The following MRE11 variants were observed in gnomAD, a reference collection of about 807,000 sequenced individuals.
MRE11 encodes the protein MRE11 double strand break repair nuclease.
Under a neutral mutation model 91.7 loss-of-function variants are expected in MRE11, and 62 were observed. The ratio of observed to expected loss-of-function variants is 0.68; its 90% confidence interval spans 0.55 to 0.84. The LOEUF is 0.84. Among genes scored for constraint, MRE11 ranks in the 40% least tolerant of loss-of-function variants. The probability of loss-of-function intolerance (pLI) is 0.00; values close to 1 mark genes in which losing one functional copy is unlikely to be tolerated. For missense variants in MRE11, 796 were observed against 852.9 expected (o/e 0.93, Z 0.83); for synonymous variants, 273 against 271.4 (o/e 1.01, Z -0.06).
At chr11:94,500,026 T>C in the MRE11 span, among the ~76,000 whole-genome samples, 1 of 152,288 alleles carries the variant, frequency 6.6e-6, no homozygotes, top group African/African-American at 2.4e-5. Flanking sequence ...GATCTCTTCC[T>C]AGGGAGATGC....
At chr11:94,497,909 C>T, upstream of MRE11, 1 of 600,596 alleles carries the variant, frequency 1.7e-6, no homozygotes, top group South Asian at 2.3e-5. Flanking sequence ...CAGTAGTCCT[C>T]TCCTCCCCAA....
chr11:94,485,772 A>C, intron 4 of MRE11, 152 bp downstream of exon 4: 1 of 738,394 alleles, frequency 1.4e-6, no homozygotes, highest in Non-Finnish European at 2.2e-6. Flanking sequence ...GGAAAATATA[A>C]ATTAATACAA....
chr11:94,422,647 G>A (rs575353161), intron 19 of MRE11, among the ~76,000 whole-genome samples: 1 of 152,170 alleles, frequency 6.6e-6, no homozygotes, highest in South Asian at 2.1e-4. Context: ...TACACTGATG[G>A]GCACTCAACA....
At chr11:94,457,871 T>C (rs1329476748) in intron 13 of MRE11, among the ~76,000 whole-genome samples, 2 of 97,472 alleles carry the variant, frequency 2.1e-5, no homozygotes, top group African/African-American at 8.3e-5. Context: ...TTTCTCTCTC[T>C]CCCTCTCTCT....
chr11:94,425,609 A>G (rs1267358406), intron 19 of MRE11, among the ~76,000 whole-genome samples: 1 of 152,210 alleles, frequency 6.6e-6, no homozygotes, highest in Non-Finnish European at 1.5e-5. Context: ...CCCATTTCAC[A>G]TGTAATGACA....
At chr11:94,458,445 T>C (rs1946321058) in intron 13 of MRE11, among the ~76,000 whole-genome samples, 1 of 152,150 alleles carries the variant, frequency 6.6e-6, no homozygotes, top group Non-Finnish European at 1.5e-5. Flanking sequence ...TCTTCCAAAA[T>C]GTCATTTTTA....
chr11:94,454,300 C>T (rs1946193291), intron 14 of MRE11, among the ~76,000 whole-genome samples: 1 of 152,034 alleles, frequency 6.6e-6, no homozygotes, highest in Admixed American at 6.6e-5. Context: ...TCTCAAACTC[C>T]TGAGCTCAAG....
chr11:94,465,452 G>C (rs1426018875), intron 10 of MRE11, among the ~76,000 whole-genome samples: 1 of 144,764 alleles, frequency 6.9e-6, no homozygotes, highest in East Asian at 2.0e-4. Context: ...CTGGAATGCA[G>C]AGGCACAATC....
At chr11:94,429,865 T>C in intron 19 of MRE11, 46 bp downstream of exon 19, 1 of 1,500,212 alleles carries the variant, frequency 6.7e-7, no homozygotes, top group East Asian at 2.5e-5. Context: ...ATTTAAATTT[T>C]ATAAAGTTAA....
intron 4 of MRE11, among the ~76,000 whole-genome samples, chr11:94,482,076 A>G (rs1420178169): frequency 6.6e-6 from 1 of 152,250 alleles, no homozygotes; most frequent in East Asian, 1.9e-4. Flanking sequence ...TATATGATAA[A>G]GCCCACGCGG....
chr11:94,432,277 A>AT (rs1163056297), intron 18 of MRE11, among the ~76,000 whole-genome samples: 1 of 152,070 alleles, frequency 6.6e-6, no homozygotes, highest in Non-Finnish European at 1.5e-5. Context: ...CCATCTTGGT[A>AT]TTTTTTACTC....
At chr11:94,459,004 T>C (rs533528725) in intron 13 of MRE11, among the ~76,000 whole-genome samples, 76 of 152,338 alleles carry the variant, frequency 5.0e-4, no homozygotes, top group African/African-American at 1.6e-3. Flanking sequence ...AATTTCTATG[T>C]AGTCAAGTCT....
At chr11:94,473,938 G>T (rs1035467694) in intron 7 of MRE11, among the ~76,000 whole-genome samples, 1 of 152,098 alleles carries the variant, frequency 6.6e-6, no homozygotes, top group African/African-American at 2.4e-5. Flanking sequence ...TAAGGAAAGG[G>T]AGAAGACAAA....
intron 14 of MRE11, among the ~76,000 whole-genome samples, chr11:94,455,055 A>G (rs894551435): frequency 5.3e-5 from 8 of 152,208 alleles, no homozygotes; most frequent in African/African-American, 1.9e-4. Context: ...GTGTATTTCA[A>G]CAGTGATTCT....
At chr11:94,420,905 G>A (rs1007258434) in intron 19 of MRE11, among the ~76,000 whole-genome samples, 6 of 152,066 alleles carry the variant, frequency 3.9e-5, no homozygotes, top group Non-Finnish European at 7.4e-5. Context: ...GGTGGCGGGC[G>A]CCTGTAGTCC....
At chr11:94,430,125 A>C (rs1287290462) in intron 18 of MRE11, 139 bp from the exon 19 acceptor site, 1 of 868,932 alleles carries the variant, frequency 1.2e-6, no homozygotes, top group Non-Finnish European at 1.9e-6. Context: ...CATTAGCGGC[A>C]ATAAAACTTA....
upstream of MRE11, chr11:94,497,421 C>T (rs550989905): frequency 7.9e-5 from 15 of 190,326 alleles, no homozygotes; most frequent in South Asian, 2.2e-3. Flanking sequence ...TGGCCACTTC[C>T]ACCTCATTTT....
At chr11:94,466,274 G>GA (rs751502414) in intron 10 of MRE11, among the ~76,000 whole-genome samples, 1 of 152,128 alleles carries the variant, frequency 6.6e-6, no homozygotes, top group African/African-American at 2.4e-5. Context: ...ATTTTTAGCA[G>GA]AAAAGACATG....
rs143889123 is a variant in MRE11, at chr11:94,488,238, A to G, written c.154-2154T>C. Among the ~76,000 whole-genome samples, 35 of 152,316 alleles carry G rather than the reference A, an allele frequency of 2.3e-4. No homozygotes were observed. In the East Asian group the frequency reaches 6.4e-3, roughly 28 times the overall value. On this transcript the variant is annotated intron_variant, in intron 3 of 19. Coordinates refer to ENST00000323929, the MANE Select transcript of MRE11 (RefSeq NM_005591.4). ...AGGAAACAGACCTCCTTTGGCCACA[A>G]GTTTTTTTGCCTTCAAGGAAGGAAA...
Sources: gnomAD v4.1 joint callset for allele counts (sites outside exome capture counted in the v4.1 genomes callset) on GRCh38, gnomAD v4.1.1 for gene constraint, MANE v1.5 for transcripts, NCBI Gene and HGNC (gene_info 2026-07-23, HGNC 2026-07-21) for gene names.